GTF2IRD1: variants seen among roughly 807,000 people sequenced by gnomAD.
GTF2IRD1 encodes general transcription factor II-I repeat domain-containing protein 1.
Under a neutral mutation model 113.2 loss-of-function variants are expected in GTF2IRD1, and 26 were observed. That is an observed-to-expected ratio of 0.23 (90% confidence interval 0.17 to 0.32). The LOEUF (loss-of-function observed/expected upper bound fraction) is 0.32. Ranked by LOEUF, GTF2IRD1 falls within the 10% of genes least tolerant of loss-of-function variation. GTF2IRD1 has a pLI of 1.00. For synonymous variants in GTF2IRD1, 484 were observed against 529.1 expected, an observed-to-expected ratio of 0.91 and a Z score of 1.17; for missense variants, 864 against 1,280.8, an observed-to-expected ratio of 0.67 and a Z score of 4.97.
rs782569260 is a variant in GTF2IRD1, at chr7:74,539,934, G to A, written c.1584G>A (p.Ser528=). 5.8e-5 allele frequency: 93 copies of A among 1,613,216 alleles called. No individual in the cohort carries two copies. Among genetic ancestry groups the A allele is most frequent in the Non-Finnish European group, 7.1e-5 (84 of 1,179,692 alleles). Residue 528 remains serine (S), a synonymous_variant, in exon 14 of 27, where the codon TCG becomes TCA. Transcript: ENST00000424337. ...ACTCGATGCCTGGGCACCTGCCATCGGAGGATTCTGGTTATGGGATGGAGA... is the reference window on the plus strand; with the variant it reads ...ACTCGATGCCTGGGCACCTGCCATCAGAGGATTCTGGTTATGGGATGGAGA... The part of the protein sequence containing the change: ...MTDSMPGHLP[S]EDSGYGMEML...
intron 15 of GTF2IRD1, 121 bp from the exon 16 acceptor site, chr7:74,545,623 G>A: frequency 4.7e-6 from 3 of 642,450 alleles, no homozygotes; most frequent in Admixed American, 2.1e-5. Flanking sequence ...CACCGCCCCA[G>A]CCCCAGCCTT....
At chr7:74,597,673 A>C (rs1802505784) in intron 25 of GTF2IRD1, among the ~76,000 whole-genome samples, 1 of 152,138 alleles carries the variant, frequency 6.6e-6, no homozygotes, top group South Asian at 2.1e-4. Context: ...AGAAATAAAA[A>C]AGAAGAAGAA....
At chr7:74,472,028 A>G (rs1794145506) in intron 1 of GTF2IRD1, among the ~76,000 whole-genome samples, 1 of 152,192 alleles carries the variant, frequency 6.6e-6, no homozygotes, top group Non-Finnish European at 1.5e-5. Flanking sequence ...CAGAACACTC[A>G]TAGAACTGTA....
intron 16 of GTF2IRD1, among the ~76,000 whole-genome samples, chr7:74,546,759 C>CAG (rs3066696): frequency 0.27 from 40,928 of 151,982 alleles, 5,718 homozygotes; most frequent in East Asian, 0.48. Flanking sequence ...CCAGTGGACT[C>CAG]GGGGAAGCAA....
At chr7:74,568,519 G>A (rs1554361509) in intron 22 of GTF2IRD1, among the ~76,000 whole-genome samples, 2 of 151,992 alleles carry the variant, frequency 1.3e-5, no homozygotes, top group Admixed American at 6.6e-5. Context: ...GTGATGGCGG[G>A]CACCTGTAGT....
chr7:74,491,465 T>C (rs1394888084), intron 1 of GTF2IRD1, among the ~76,000 whole-genome samples: 7 of 151,746 alleles, frequency 4.6e-5, no homozygotes, highest in South Asian at 2.1e-4. Context: ...TCTTATGATC[T>C]TCTCCCTCCT....
chr7:74,483,368 T>C (rs534724533), intron 1 of GTF2IRD1, among the ~76,000 whole-genome samples: 131 of 150,530 alleles, frequency 8.7e-4, no homozygotes, highest in Middle Eastern at 3.4e-3. Context: ...CAAGGCCCCA[T>C]CTCTAAAAAA....
chr7:74,570,131 G>T (rs1800605094), intron 22 of GTF2IRD1, among the ~76,000 whole-genome samples: 1 of 152,116 alleles, frequency 6.6e-6, no homozygotes, highest in Non-Finnish European at 1.5e-5. Flanking sequence ...GGAGGCTGAG[G>T]CGGGTAGATC....
chr7:74,533,280 A>G (rs1248386683), intron 9 of GTF2IRD1, among the ~76,000 whole-genome samples: 2 of 151,892 alleles, frequency 1.3e-5, no homozygotes, highest in Non-Finnish European at 2.9e-5. Flanking sequence ...GATTACAGGC[A>G]TGCACCACCA....
chr7:74,559,375 G>A (rs1799809673), intron 21 of GTF2IRD1, among the ~76,000 whole-genome samples: 1 of 152,194 alleles, frequency 6.6e-6, no homozygotes, highest in African/African-American at 2.4e-5. Flanking sequence ...AAGGTCCCGG[G>A]GCCAGCCAGG....
At chr7:74,481,003 G>A (rs1462799856) in intron 1 of GTF2IRD1, among the ~76,000 whole-genome samples, 2 of 152,178 alleles carry the variant, frequency 1.3e-5, no homozygotes, top group East Asian at 3.9e-4. Context: ...AGAGGCAGGC[G>A]GCTCCCTCAC....
chr7:74,526,374 G>A (rs1331767835), intron 8 of GTF2IRD1, among the ~76,000 whole-genome samples: 1 of 152,222 alleles, frequency 6.6e-6, no homozygotes, highest in East Asian at 1.9e-4. Flanking sequence ...GGTGGGGACG[G>A]GGTCTGGCAG....
chr7:74,549,903 G>T (rs1453882830), intron 17 of GTF2IRD1, among the ~76,000 whole-genome samples: 7 of 152,156 alleles, frequency 4.6e-5, no homozygotes, highest in African/African-American at 1.7e-4. Context: ...GGGCGTGGTA[G>T]CAGGTGCCTG....
At position 74,576,985 on chromosome 7, in the gene GTF2IRD1, G is replaced by C. The variant is rs113736538; in HGVS notation, c.2321-12866G>C. ...TCAAAGAGCAGTGCCTGGCACAGAA[G>C]AGCTCAGATTCTCTGAGTTACCAAG... On this transcript the variant is annotated intron_variant, in intron 22 of 26. Coordinates refer to ENST00000424337, the MANE Select transcript of GTF2IRD1 (RefSeq NM_005685.4). Among the ~76,000 whole-genome samples, 1,337 of 152,164 alleles carry C rather than the reference G, an allele frequency of 8.8e-3. 30 individuals are homozygous for C. Among genetic ancestry groups the C allele is most frequent in the South Asian group, 0.063 (306 of 4,820 alleles).
rs138159923 is a variant in GTF2IRD1, at chr7:74,515,421, G to A, written c.266-20G>A. 6.1e-3 allele frequency: 9,547 copies of A among 1,563,280 alleles called. 46 individuals carry two copies. The highest frequency in any genetic ancestry group is 7.3e-3 in the Non-Finnish European group (8,435 of 1,152,898). ...TGAGACGGGTGCTCACTGTGGCCTC[G>A]CGTGCTCTGTGTCCCACAGGAGGGC... is the stretch of plus-strand genomic sequence containing the variant. On this transcript the variant is annotated intron_variant, in intron 3 of 26. Transcript: ENST00000424337.
At chr7:74,595,237 C>G (rs1441445596) in intron 25 of GTF2IRD1, among the ~76,000 whole-genome samples, 186 bp downstream of exon 25, 1 of 151,902 alleles carries the variant, frequency 6.6e-6, no homozygotes, top group African/African-American at 2.4e-5. Context: ...GAAACCCCGT[C>G]TCTACTAAAA....
In GTF2IRD1 at chr7:74,547,222, T is replaced by C. The variant is rs1554353543; in HGVS notation, c.1852T>C (p.Phe618Leu). The change falls in exon 17 of 27, where the codon TTC becomes CTC. Residue 618 changes from phenylalanine to leucine, a missense_variant. Physicochemically the swap from Phe to Leu is conservative, Grantham distance 22. Transcript: ENST00000424337. ...EGISLRRPNC[F>L]GIAKLRKILE... ...CATCTCCCTCCGCAGGCCCAACTGC[T>C]TCGGGATCGCCAAGCTCCGGAAGAT... 6.2e-7 allele frequency: 1 copy of C among 1,613,570 alleles called. No individual in the cohort carries two copies.
At chr7:74,597,797 C>T (rs1202476655) in intron 25 of GTF2IRD1, among the ~76,000 whole-genome samples, 1 of 152,196 alleles carries the variant, frequency 6.6e-6, no homozygotes, top group Non-Finnish European at 1.5e-5. Context: ...CTGTGTAGAC[C>T]CTGCTCTCAG....
chr7:74,536,833 G>A (rs782519486), intron 11 of GTF2IRD1, among the ~76,000 whole-genome samples: 4 of 150,250 alleles, frequency 2.7e-5, no homozygotes, highest in Non-Finnish European at 5.9e-5. Context: ...ACACCAGGCC[G>A]GACTTGGTGG....
Sources: allele counts gnomAD v4.1 joint callset (sites outside exome capture counted in the v4.1 genomes callset), GRCh38; gene constraint gnomAD v4.1.1; transcripts MANE v1.5; gene names NCBI Gene and HGNC (gene_info 2026-07-23, HGNC 2026-07-21).